The following RSPO2 variants were observed in gnomAD, a reference collection of about 807,000 sequenced individuals.
RSPO2 encodes the protein R-spondin 2.
A neutral mutation model predicts 30.9 loss-of-function variants in RSPO2; 14 were observed. The ratio of observed to expected loss-of-function variants is 0.45; its 90% confidence interval spans 0.30 to 0.71. RSPO2 has a LOEUF of 0.71. Ranked by LOEUF, RSPO2 falls within the 30% of genes least tolerant of loss-of-function variation. The probability of loss-of-function intolerance (pLI) is 0.08; values close to 1 mark genes in which losing one functional copy is unlikely to be tolerated. For synonymous variants in RSPO2, 107 were observed against 96.4 expected (o/e 1.11, Z -0.64); for missense variants, 264 against 301.9 (o/e 0.87, Z 0.93).
chr8:107,985,337 G>A (rs557837947), intron 3 of RSPO2, among the ~76,000 whole-genome samples: 1 of 152,180 alleles, frequency 6.6e-6, no homozygotes, highest in South Asian at 2.1e-4. Context: ...GTGTATGAGA[G>A]AGCAAGAATT....
chr8:108,061,346 C>T (rs1442082381), intron 2 of RSPO2, among the ~76,000 whole-genome samples: 11 of 151,770 alleles, frequency 7.2e-5, no homozygotes, highest in African/African-American at 2.2e-4. Flanking sequence ...GAAGATCTAC[C>T]AAGCAAATGG....
chr8:107,974,197 A>G (rs1360220955), intron 3 of RSPO2, among the ~76,000 whole-genome samples: 2 of 152,072 alleles, frequency 1.3e-5, no homozygotes, highest in East Asian at 3.9e-4. Context: ...CAATGAAAAG[A>G]GCATTCTGGT....
chr8:108,039,175 G>A (rs1446896387), intron 2 of RSPO2, among the ~76,000 whole-genome samples: 1 of 151,986 alleles, frequency 6.6e-6, no homozygotes. Flanking sequence ...CAGGTTCCTA[G>A]ATCAGTGATT....
intron 5 of RSPO2, among the ~76,000 whole-genome samples, chr8:107,936,314 A>T (rs1023906797): frequency 6.6e-6 from 1 of 152,152 alleles, no homozygotes; most frequent in Admixed American, 6.6e-5. Flanking sequence ...TTGTGTTTAT[A>T]TACCACATTT....
At position 107,901,062 on chromosome 8, in the gene RSPO2, C is replaced by A. The variant is rs201407390; in HGVS notation, c.*13G>T. ...AAAACAAAAACCCCTAAAAATCTAC[C>A]GGATCTCTTGTTTTATTGGTTAGCT... On this transcript the variant is annotated 3_prime_UTR_variant, in exon 6 of 6. Coordinates refer to ENST00000276659, the MANE Select transcript of RSPO2 (RefSeq NM_178565.5). 1 of 1,609,934 alleles carries A rather than the reference C, an allele frequency of 6.2e-7. No individual in the cohort carries two copies. Among genetic ancestry groups the A allele is most frequent in the Non-Finnish European group, 8.5e-7 (1 of 1,179,014 alleles).
At chr8:107,918,611 C>A (rs1313637375) in intron 5 of RSPO2, among the ~76,000 whole-genome samples, 1 of 152,096 alleles carries the variant, frequency 6.6e-6, no homozygotes, top group East Asian at 1.9e-4. Flanking sequence ...TTACCCAGCT[C>A]CTAAGTATTC....
chr8:107,917,812 A>G (rs1254506373), intron 5 of RSPO2, among the ~76,000 whole-genome samples: 1 of 152,162 alleles, frequency 6.6e-6, no homozygotes, highest in African/African-American at 2.4e-5. Flanking sequence ...AATAGTTATA[A>G]TTGTTATGTA....
chr8:107,996,280 T>C (rs889816698), intron 2 of RSPO2, among the ~76,000 whole-genome samples: 1 of 152,156 alleles, frequency 6.6e-6, no homozygotes, highest in African/African-American at 2.4e-5. Context: ...ATGAAGACCC[T>C]ATGGAATGAT....
chr8:107,934,122 T>C (rs979739368), intron 5 of RSPO2, among the ~76,000 whole-genome samples: 2 of 152,198 alleles, frequency 1.3e-5, no homozygotes, highest in African/African-American at 4.8e-5. Flanking sequence ...CAAAATTAAG[T>C]TCTGGCAAGA....
chr8:107,922,601 A>G (rs1224036790), intron 5 of RSPO2, among the ~76,000 whole-genome samples: 1 of 152,130 alleles, frequency 6.6e-6, no homozygotes, highest in Non-Finnish European at 1.5e-5. Flanking sequence ...CTATTTTAAA[A>G]TTCATATGAA....
chr8:108,043,606 A>G (rs977751201), intron 2 of RSPO2, among the ~76,000 whole-genome samples: 1 of 152,120 alleles, frequency 6.6e-6, no homozygotes, highest in African/African-American at 2.4e-5. Flanking sequence ...TTGGAAAAAA[A>G]AAAAAGATAG....
chr8:108,012,389 T>C (rs1404347016), intron 2 of RSPO2, among the ~76,000 whole-genome samples: 1 of 152,234 alleles, frequency 6.6e-6, no homozygotes, highest in East Asian at 1.9e-4. Flanking sequence ...GATTCTCAGT[T>C]GATTCCTACA....
At chr8:107,996,979 G>A (rs532095169) in intron 2 of RSPO2, 2 of 450,222 alleles carry the variant, frequency 4.4e-6, no homozygotes, top group East Asian at 1.4e-4. Flanking sequence ...CAAAAGTGAT[G>A]TGAACCACAC....
chr8:108,032,801 T>A (rs552341489), intron 2 of RSPO2, among the ~76,000 whole-genome samples: 262 of 151,994 alleles, frequency 1.7e-3, no homozygotes, highest in Non-Finnish European at 3.1e-3. Context: ...TAGCTAATTT[T>A]AAAAATTTTT....
At chr8:107,918,084 T>TA (rs1228241538) in intron 5 of RSPO2, among the ~76,000 whole-genome samples, 1 of 152,172 alleles carries the variant, frequency 6.6e-6, no homozygotes, top group Non-Finnish European at 1.5e-5. Context: ...TAACAGGAGT[T>TA]AATTGAATGG....
At chr8:107,983,603 A>G in intron 3 of RSPO2, 1 of 1,596,564 alleles carries the variant, frequency 6.3e-7, no homozygotes, top group Non-Finnish European at 8.6e-7. Flanking sequence ...GCCCCAAAAG[A>G]CGATAAAACA....
intron 2 of RSPO2, among the ~76,000 whole-genome samples, chr8:107,999,176 CATATT>C (rs1341536331): frequency 3.3e-5 from 5 of 151,554 alleles, no homozygotes; most frequent in African/African-American, 7.3e-5. Context: ...TTGAGAAACT[CATATT>C]AATTTATCTA....
At chr8:107,945,241 C>CTTTTTTTTT (rs754722790) in intron 5 of RSPO2, among the ~76,000 whole-genome samples, 37 of 74,832 alleles carry the variant, frequency 4.9e-4, no homozygotes, top group Non-Finnish European at 7.1e-4. Flanking sequence ...ATTCTTTTAC[C>CTTTTTTTTT]TTTTTTTTTT....
At chr8:107,968,523 T>G (rs976523248) in intron 3 of RSPO2, among the ~76,000 whole-genome samples, 1 of 152,036 alleles carries the variant, frequency 6.6e-6, no homozygotes, top group African/African-American at 2.4e-5. Flanking sequence ...TAGTATTCAA[T>G]AGTACAGTAG....
Sources: allele counts gnomAD v4.1 joint callset (sites outside exome capture counted in the v4.1 genomes callset), GRCh38; gene constraint gnomAD v4.1.1; transcripts MANE v1.5; gene names NCBI Gene and HGNC (gene_info 2026-07-23, HGNC 2026-07-21).